JARID2: variants seen among roughly 807,000 people sequenced by gnomAD.
JARID2 encodes the protein protein Jumonji.
In JARID2, 21 loss-of-function variants were observed where a neutral mutation model predicts 125.6. That is an observed-to-expected ratio of 0.17 (90% confidence interval 0.12 to 0.24). JARID2 has a LOEUF of 0.24. JARID2 is among the 10% of genes least tolerant of loss of function. The probability of loss-of-function intolerance (pLI) is 1.00; values close to 1 mark genes in which losing one functional copy is unlikely to be tolerated. For synonymous variants in JARID2, 736 were observed against 661.6 expected (o/e 1.11, Z -1.73); for missense variants, 1,303 against 1,639.6 (o/e 0.79, Z 3.55).
At position 15,268,012 on chromosome 6, in the gene JARID2, G is replaced by A. The variant is rs558029524; in HGVS notation, c.45+21428G>A. 3.6e-3 allele frequency among the ~76,000 whole-genome samples: 541 copies of A among 152,284 alleles called. 6 individuals are homozygous for A. Among genetic ancestry groups the A allele is most frequent in the African/African-American group, 0.012 (516 of 41,548 alleles). ...ATGGACAACCCCACACCCCAGAACA[G>A]GGGATAGGTGATGGACGACAGTGGG... On this transcript the variant is annotated intron_variant, in intron 1 of 17. Coordinates refer to ENST00000341776, the MANE Select transcript of JARID2 (RefSeq NM_004973.4).
intron 1 of JARID2, among the ~76,000 whole-genome samples, chr6:15,298,294 G>A (rs762784453): frequency 2.6e-5 from 4 of 152,166 alleles, no homozygotes; most frequent in Admixed American, 1.3e-4. Flanking sequence ...ATATTTTCGC[G>A]AGAAATGACT....
chr6:15,429,684 G>T (rs1048254273), intron 3 of JARID2, among the ~76,000 whole-genome samples: 2 of 152,292 alleles, frequency 1.3e-5, no homozygotes, highest in East Asian at 3.9e-4. Context: ...ACACGTGTGT[G>T]TGTCTGAAGT....
At chr6:15,466,027 C>CT (rs1768714787) in intron 4 of JARID2, among the ~76,000 whole-genome samples, 1 of 152,188 alleles carries the variant, frequency 6.6e-6, no homozygotes, top group South Asian at 2.1e-4. Context: ...TGGTCTCGAA[C>CT]TCCTGACCTC....
At chr6:15,515,218 T>G (rs945970944) in intron 16 of JARID2, among the ~76,000 whole-genome samples, 1 of 152,018 alleles carries the variant, frequency 6.6e-6, no homozygotes, top group Non-Finnish European at 1.5e-5. Flanking sequence ...TTTTTTTTTT[T>G]GTGGTAGAGA....
intron 2 of JARID2, among the ~76,000 whole-genome samples, chr6:15,389,311 C>T (rs1399032818): frequency 6.6e-6 from 1 of 152,188 alleles, no homozygotes; most frequent in African/African-American, 2.4e-5. Context: ...AGGCACGTGT[C>T]ACCGCCTGGA....
Position 15,513,431 on chromosome 6 carries a change from G to A in JARID2, c.3450+9G>A, listed in dbSNP as rs753501726. On this transcript the variant is annotated intron_variant, in intron 16 of 17. Transcript: ENST00000341776. ...TGTGCTACCTGTCCATGGTGAGCCC[G>A]CCTGGCCCTGCCGGCGCCCTCGCAT... The A allele has an allele frequency of 1.0e-5, 16 of 1,588,244 alleles. No individual in the cohort carries two copies. Among genetic ancestry groups the A allele is most frequent in the African/African-American group, 2.7e-5 (2 of 74,694 alleles).
chr6:15,307,060 T>C (rs923819999), intron 1 of JARID2, among the ~76,000 whole-genome samples: 18 of 151,198 alleles, frequency 1.2e-4, no homozygotes, highest in African/African-American at 2.7e-4. Context: ...GCCAACACAG[T>C]GAAACCTGTC....
chr6:15,505,491 C>G (rs1770961011), intron 9 of JARID2, among the ~76,000 whole-genome samples: 1 of 152,306 alleles, frequency 6.6e-6, no homozygotes, highest in Non-Finnish European at 1.5e-5. Flanking sequence ...CAAACCTGCT[C>G]AAACCAGGAC....
chr6:15,362,461 A>G (rs1343637624), intron 1 of JARID2, among the ~76,000 whole-genome samples: 1 of 152,234 alleles, frequency 6.6e-6, no homozygotes, highest in African/African-American at 2.4e-5. Flanking sequence ...TGTTGAAGTC[A>G]TGATCAGTAT....
intron 2 of JARID2, among the ~76,000 whole-genome samples, chr6:15,390,270 G>T (rs896923069): frequency 1.3e-5 from 2 of 152,172 alleles, no homozygotes; most frequent in Non-Finnish European, 2.9e-5. Flanking sequence ...TCTGACTGCA[G>T]AGCCTATAGC....
At chr6:15,398,058 A>G (rs1031661496) in intron 2 of JARID2, among the ~76,000 whole-genome samples, 9 of 152,218 alleles carry the variant, frequency 5.9e-5, no homozygotes, top group Non-Finnish European at 1.2e-4. Context: ...AAAAAACCCA[A>G]TTCCCATTGG....
intron 3 of JARID2, among the ~76,000 whole-genome samples, chr6:15,418,134 A>G (rs571435877): frequency 6.6e-6 from 1 of 151,904 alleles, no homozygotes; most frequent in South Asian, 2.1e-4. Context: ...GTGGCTGCTC[A>G]TGCATTAGTC....
chr6:15,379,095 G>A (rs1391325865), intron 2 of JARID2, among the ~76,000 whole-genome samples: 2 of 152,092 alleles, frequency 1.3e-5, no homozygotes, highest in African/African-American at 2.4e-5. Context: ...GTGGAGACAC[G>A]TCGTTTTTCA....
At chr6:15,260,261 T>G (rs759312978) in intron 1 of JARID2, among the ~76,000 whole-genome samples, 2 of 152,166 alleles carry the variant, frequency 1.3e-5, no homozygotes, top group Non-Finnish European at 2.9e-5. Flanking sequence ...GAACTTGACT[T>G]ACTTTGAGGG....
intron 1 of JARID2, among the ~76,000 whole-genome samples, chr6:15,351,230 C>T (rs1763418741): frequency 6.6e-6 from 1 of 152,134 alleles, no homozygotes; most frequent in East Asian, 1.9e-4. Context: ...GTAATACCAA[C>T]AGTAACTAAT....
intron 4 of JARID2, among the ~76,000 whole-genome samples, chr6:15,462,082 T>C (rs1353737008): frequency 6.6e-6 from 1 of 152,220 alleles, no homozygotes; most frequent in African/African-American, 2.4e-5. Context: ...TTTACATTCA[T>C]TTTAATTTTA....
intron 7 of JARID2, among the ~76,000 whole-genome samples, chr6:15,497,650 CA>C (rs67874437): frequency 1.2e-3 from 164 of 133,446 alleles, no homozygotes; most frequent in African/African-American, 3.2e-3. Context: ...GATTCCGTCT[CA>C]AAAAAAAAAA....
intron 5 of JARID2, among the ~76,000 whole-genome samples, chr6:15,484,991 G>A (rs1311423893): frequency 6.6e-6 from 1 of 152,114 alleles, no homozygotes; most frequent in Non-Finnish European, 1.5e-5. Context: ...GACTTCTTAC[G>A]GATGTTGCTT....
chr6:15,246,262 GTA>G lies in JARID2; in HGVS notation c.-276_-275del. 1.8e-6 allele frequency: 1 copy of G among 547,728 alleles called. No homozygotes were observed. Among genetic ancestry groups the G allele is most frequent in the Non-Finnish European group, 3.2e-6 (1 of 313,134 alleles). 33.9% of individuals were successfully genotyped at this position (547,728 alleles called of 1,614,324 possible). On this transcript the variant is annotated 5_prime_UTR_variant, in exon 1 of 18. The change abolishes an upstream ATG in the 5' untranslated region. Transcript: ENST00000341776. Reference sequence around the variant, plus strand: ...CGTCGGTTTTTTTTTGTGTGTGTGTGTATGTGTTTCGGGGGAAATTTTCCATT... The same window carrying G: ...CGTCGGTTTTTTTTTGTGTGTGTGTGTGTGTTTCGGGGGAAATTTTCCATT...
Sources: gnomAD v4.1 joint callset for allele counts (sites outside exome capture counted in the v4.1 genomes callset) on GRCh38, gnomAD v4.1.1 for gene constraint, MANE v1.5 for transcripts, NCBI Gene and HGNC (gene_info 2026-07-23, HGNC 2026-07-21) for gene names.